SHISA9: variants seen among roughly 807,000 people sequenced by gnomAD.
SHISA9 encodes the protein shisa family member 9, also known as protein shisa-9.
SHISA9 carries 13 observed loss-of-function variants against 38.0 expected under a neutral mutation model. The observed-to-expected ratio is 0.34, with a 90% confidence interval of 0.22 to 0.54. The LOEUF (loss-of-function observed/expected upper bound fraction) is 0.54. Among genes scored for constraint, SHISA9 ranks in the 20% least tolerant of loss-of-function variants. SHISA9 has a pLI of 0.91. For synonymous variants in SHISA9, 275 were observed against 242.0 expected, an observed-to-expected ratio of 1.14 and a Z score of -1.27; for missense variants, 538 against 575.8, an observed-to-expected ratio of 0.93 and a Z score of 0.67.
At chr16:13,372,812 A>G in the SHISA9 span, among the ~76,000 whole-genome samples, 1 of 152,204 alleles carries the variant, frequency 6.6e-6, no homozygotes, top group Non-Finnish European at 1.5e-5. Context: ...GTCTTACTCC[A>G]GAGTAGTGTT....
At chr16:13,013,515 C>T (rs911513381) in intron 2 of SHISA9, among the ~76,000 whole-genome samples, 1 of 152,160 alleles carries the variant, frequency 6.6e-6, no homozygotes, top group Non-Finnish European at 1.5e-5. Context: ...GGATCACGGT[C>T]AGTTTGCTCA....
chr16:12,968,125 G>T (rs1282756450), intron 2 of SHISA9, among the ~76,000 whole-genome samples: 2 of 134,558 alleles, frequency 1.5e-5, no homozygotes, highest in East Asian at 2.3e-4. Context: ...CAGAGGCAAA[G>T]TTCACAGTGA....
At chr16:13,219,269 C>T (rs1596742586) in intron 4 of SHISA9, among the ~76,000 whole-genome samples, 3 of 152,290 alleles carry the variant, frequency 2.0e-5, no homozygotes, top group Admixed American at 6.5e-5. Flanking sequence ...AGCCATCTTG[C>T]GTGACACTCA....
At chr16:13,077,612 C>T (rs1292225790) in intron 2 of SHISA9, among the ~76,000 whole-genome samples, 3 of 152,094 alleles carry the variant, frequency 2.0e-5, no homozygotes, top group Non-Finnish European at 4.4e-5. Flanking sequence ...TTTTCTCTGC[C>T]CAGGTGAGAA....
At chr16:13,123,301 C>T (rs527712042) in intron 2 of SHISA9, among the ~76,000 whole-genome samples, 1 of 152,206 alleles carries the variant, frequency 6.6e-6, no homozygotes, top group African/African-American at 2.4e-5. Context: ...TGTTATTCAA[C>T]AAGGATAAAT....
the SHISA9 span, among the ~76,000 whole-genome samples, chr16:13,362,018 A>G: frequency 6.6e-6 from 1 of 152,120 alleles, no homozygotes; most frequent in African/African-American, 2.4e-5. Context: ...ACCTTGAGTG[A>G]TTCACTTAAC....
Position 13,150,268 on chromosome 16 carries a change from C to T in SHISA9, c.692-53126C>T, listed in dbSNP as rs558296199. Among the ~76,000 whole-genome samples, 4 of 152,172 alleles carry T rather than the reference C, an allele frequency of 2.6e-5. No individual in the cohort carries two copies. The East Asian group carries it at 7.8e-4, about 29-fold the overall frequency. ...ATCTGCATGCACTGCCATCCTCTCCCTTGTTGGTTTTGGCAAACATCTACT... is the reference window on the plus strand; with the variant it reads ...ATCTGCATGCACTGCCATCCTCTCCTTTGTTGGTTTTGGCAAACATCTACT... On this transcript the variant is annotated intron_variant, in intron 2 of 4. Coordinates refer to ENST00000558583, the MANE Select transcript of SHISA9 (RefSeq NM_001145204.3).
At position 13,198,184 on chromosome 16, in the gene SHISA9, C is replaced by CA. The variant is rs1009920519; in HGVS notation, c.692-5200dup. 7.8e-4 allele frequency among the ~76,000 whole-genome samples: 116 copies of CA among 148,510 alleles called. 1 individual carries two copies. The highest frequency in any genetic ancestry group is 1.3e-3 in the Non-Finnish European group (84 of 67,052). ...TGGGCGACAGAGTGAGACTCCATCTCAAAAAAAAAATTAATATATGTGTGT... is the reference window on the plus strand; with the variant it reads ...TGGGCGACAGAGTGAGACTCCATCTCAAAAAAAAAAATTAATATATGTGTGT... On this transcript the variant is annotated intron_variant, in intron 2 of 4. Coordinates refer to ENST00000558583, the MANE Select transcript of SHISA9 (RefSeq NM_001145204.3).
At chr16:13,264,324 G>A in the SHISA9 span, among the ~76,000 whole-genome samples, 2 of 152,016 alleles carry the variant, frequency 1.3e-5, no homozygotes, top group East Asian at 1.9e-4. Context: ...ACAGGTGGAC[G>A]CCACCATGCC....
intron 2 of SHISA9, among the ~76,000 whole-genome samples, chr16:13,003,847 G>T (rs935319606): frequency 1.4e-5 from 2 of 145,950 alleles, no homozygotes; most frequent in Admixed American, 6.7e-5. Flanking sequence ...GACAGAGCGA[G>T]ACTCCGTCTC....
chr16:12,992,155 G>A (rs559200456), intron 2 of SHISA9, among the ~76,000 whole-genome samples: 12 of 151,966 alleles, frequency 7.9e-5, no homozygotes, highest in Non-Finnish European at 1.6e-4. Context: ...TAAGTTTAAC[G>A]CTGATAAGTT....
At chr16:12,947,247 G>A (rs996078851) in intron 2 of SHISA9, among the ~76,000 whole-genome samples, 1 of 152,176 alleles carries the variant, frequency 6.6e-6, no homozygotes, top group African/African-American at 2.4e-5. Flanking sequence ...GTATATGACT[G>A]TAGCAAACAA....
chr16:13,034,486 A>C (rs1218705672), intron 2 of SHISA9, among the ~76,000 whole-genome samples: 5 of 152,344 alleles, frequency 3.3e-5, no homozygotes, highest in Non-Finnish European at 2.9e-5. Flanking sequence ...AGAAGAAGCA[A>C]CATCTTATTG....
chr16:12,944,952 C>A (rs930828834), intron 2 of SHISA9, among the ~76,000 whole-genome samples: 12 of 152,164 alleles, frequency 7.9e-5, no homozygotes, highest in African/African-American at 2.9e-4. Flanking sequence ...CCATGGGCAA[C>A]TGGAGCTCAG....
At chr16:13,026,821 A>C (rs1387508445) in intron 2 of SHISA9, among the ~76,000 whole-genome samples, 2 of 152,204 alleles carry the variant, frequency 1.3e-5, no homozygotes, top group Non-Finnish European at 2.9e-5. Context: ...TGGAAGACTA[A>C]CAAGTAGCCA....
chr16:13,472,784 T>G, the SHISA9 span, among the ~76,000 whole-genome samples: 1 of 152,212 alleles, frequency 6.6e-6, no homozygotes, highest in East Asian at 1.9e-4. Context: ...CTGTCATGTT[T>G]AATCTCCCAT....
chr16:13,430,384 C>G, the SHISA9 span, among the ~76,000 whole-genome samples: 1 of 152,066 alleles, frequency 6.6e-6, no homozygotes, highest in East Asian at 1.9e-4. Context: ...TTTCATGTTG[C>G]CTTTTGGAAT....
At chr16:13,429,662 T>C in the SHISA9 span, among the ~76,000 whole-genome samples, 3 of 152,288 alleles carry the variant, frequency 2.0e-5, no homozygotes, top group African/African-American at 7.2e-5. Context: ...GAATTCAACA[T>C]AGGAATTTGG....
the SHISA9 span, among the ~76,000 whole-genome samples, chr16:13,434,562 C>T: frequency 1.2e-4 from 18 of 151,904 alleles, no homozygotes; most frequent in South Asian, 3.1e-3. Flanking sequence ...GGACTACAGG[C>T]GCCCGCCACC....
Sources: allele counts gnomAD v4.1 joint callset (sites outside exome capture counted in the v4.1 genomes callset), GRCh38; gene constraint gnomAD v4.1.1; transcripts MANE v1.5; gene names NCBI Gene and HGNC (gene_info 2026-07-23, HGNC 2026-07-21).